CAPSL: variants seen among roughly 807,000 people sequenced by gnomAD.
The protein encoded by CAPSL is calcyphosine like.
A neutral mutation model predicts 21.3 loss-of-function variants in CAPSL; 17 were observed. That is an observed-to-expected ratio of 0.80 (90% CI 0.55 to 1.20). The LOEUF (loss-of-function observed/expected upper bound fraction) is 1.20. Ranked by LOEUF, CAPSL falls within the 50% of genes most tolerant of loss-of-function variation. CAPSL has a pLI of 0.00. For synonymous variants in CAPSL, 102 were observed against 89.3 expected (o/e 1.14, Z -0.80); for missense variants, 289 against 259.3 (o/e 1.11, Z -0.79).
At chr5:35,916,460 A>G (rs546797062) in intron 2 of CAPSL, among the ~76,000 whole-genome samples, 1 of 152,344 alleles carries the variant, frequency 6.6e-6, no homozygotes, top group South Asian at 2.1e-4. Context: ...CTGACTTCAA[A>G]CTATACTACA....
chr5:35,934,695 C>T (rs1738901092), intron 1 of CAPSL, among the ~76,000 whole-genome samples: 1 of 152,206 alleles, frequency 6.6e-6, no homozygotes, highest in Non-Finnish European at 1.5e-5. Context: ...GAAAACCACT[C>T]CTCCTTTTGC....
chr5:35,928,425 G>T (rs1205430865), intron 1 of CAPSL, among the ~76,000 whole-genome samples: 2 of 152,160 alleles, frequency 1.3e-5, no homozygotes, highest in Non-Finnish European at 2.9e-5. Context: ...GTTTGAATAC[G>T]TGGCTTCTGC....
intron 2 of CAPSL, among the ~76,000 whole-genome samples, chr5:35,919,068 A>G (rs932378027): frequency 6.6e-6 from 1 of 150,894 alleles, no homozygotes; most frequent in African/African-American, 2.5e-5. Flanking sequence ...TTGGAAAACA[A>G]AAAACAAAAA....
At chr5:35,912,806 T>G (rs1738266878) in intron 2 of CAPSL, among the ~76,000 whole-genome samples, 1 of 152,246 alleles carries the variant, frequency 6.6e-6, no homozygotes, top group South Asian at 2.1e-4. Flanking sequence ...AGAGTGCCTC[T>G]CCTCCTCCAA....
intron 2 of CAPSL, among the ~76,000 whole-genome samples, chr5:35,912,985 T>C (rs865992005): frequency 1.3e-5 from 2 of 152,004 alleles, no homozygotes; most frequent in Non-Finnish European, 2.9e-5. Context: ...AACGTCTAAC[T>C]AGAAAACCAC....
intron 4 of CAPSL, among the ~76,000 whole-genome samples, chr5:35,906,775 G>T (rs1342465730): frequency 6.6e-6 from 1 of 152,188 alleles, no homozygotes; most frequent in East Asian, 1.9e-4. Context: ...CCCCCAGTGG[G>T]ATGGGGTGAC....
chr5:35,912,988 A>C (rs1358102033), intron 2 of CAPSL, among the ~76,000 whole-genome samples: 1 of 152,232 alleles, frequency 6.6e-6, no homozygotes, highest in Non-Finnish European at 1.5e-5. Flanking sequence ...GTCTAACTAG[A>C]AAACCACTGC....
At chr5:35,920,652 C>T (rs1461628979) in intron 2 of CAPSL, among the ~76,000 whole-genome samples, 1 of 152,184 alleles carries the variant, frequency 6.6e-6, no homozygotes, top group African/African-American at 2.4e-5. Flanking sequence ...TCCACCCTGG[C>T]CTTTATTATC....
At chr5:35,909,411 G>A (rs1431470654) in intron 4 of CAPSL, among the ~76,000 whole-genome samples, 2 of 152,162 alleles carry the variant, frequency 1.3e-5, no homozygotes, top group African/African-American at 2.4e-5. Context: ...GGATGAGTGT[G>A]AAGGCACTAA....
chr5:35,924,347 G>T (rs1738612434), intron 1 of CAPSL, among the ~76,000 whole-genome samples: 2 of 152,108 alleles, frequency 1.3e-5, no homozygotes, highest in South Asian at 4.2e-4. Context: ...GATTCCTAAG[G>T]GCTCTTTCTG....
Position 35,919,192 on chromosome 5 carries a change from A to AT in CAPSL, c.137+1791_137+1792insA, listed in dbSNP as rs1561439742. ...AAAAATATATATATATATATATATA[A>AT]AAATTGTGAAATTAGTTTGGATCTC... On this transcript the variant is annotated intron_variant, in intron 2 of 4. Coordinates refer to ENST00000651391, the MANE Select transcript of CAPSL (RefSeq NM_001042625.2). 4.4e-3 allele frequency among the ~76,000 whole-genome samples: 473 copies of AT among 108,186 alleles called. 3 individuals are homozygous for AT. The highest frequency in any genetic ancestry group is 5.9e-3 in the African/African-American group (184 of 31,406). The allele number at this position is 108,186 out of a possible 152,430, so 71.0% of individuals were successfully genotyped here.
rs1036437526 is a variant in CAPSL, at chr5:35,935,546, G to A, written c.-1+2995C>T. On this transcript the variant is annotated intron_variant, in intron 1 of 4. Transcript: ENST00000651391. ...GACAGGATCTTGCTATGTTGCCCAG[G>A]CTGGTCTTGAACTCCTAAGCTCAAG... 7.2e-5 allele frequency among the ~76,000 whole-genome samples: 11 copies of A among 151,934 alleles called. No individual in the cohort carries two copies. In the East Asian group the frequency reaches 2.1e-3, roughly 29 times the overall value.
chr5:35,915,508 C>G (rs2149921588), intron 2 of CAPSL, among the ~76,000 whole-genome samples: 1 of 152,252 alleles, frequency 6.6e-6, no homozygotes, highest in Non-Finnish European at 1.5e-5. Context: ...GAAGCTTATC[C>G]ACCATGATCA....
At position 35,920,908 on chromosome 5, in the gene CAPSL, C is replaced by T. The variant is rs1415054848; in HGVS notation, c.137+76G>A. On this transcript the variant is annotated intron_variant, in intron 2 of 4. Coordinates refer to ENST00000651391, the MANE Select transcript of CAPSL (RefSeq NM_001042625.2). ...GGAGGAGATGACTTCCCCAAGACCACGTGGCCAACATTAGCCTCACCTGGC... is the reference window on the plus strand; with the variant it reads ...GGAGGAGATGACTTCCCCAAGACCATGTGGCCAACATTAGCCTCACCTGGC... 20 of 1,505,182 alleles carry T rather than the reference C, an allele frequency of 1.3e-5. No homozygotes were observed. The Middle Eastern group carries it at 7.0e-4, about 53-fold the overall frequency. The allele number at this position is 1,505,182 out of a possible 1,614,324, so 93.2% of individuals were successfully genotyped here.
At chr5:35,928,947 T>C (rs1480964363) in intron 1 of CAPSL, among the ~76,000 whole-genome samples, 1 of 150,668 alleles carries the variant, frequency 6.6e-6, no homozygotes, top group Non-Finnish European at 1.5e-5. Flanking sequence ...CTTTATTGTT[T>C]TTAGTTGGTT....
At chr5:35,911,865 C>T (rs7381111) in intron 2 of CAPSL, among the ~76,000 whole-genome samples, 63,418 of 151,784 alleles carry the variant, frequency 0.42, 14,325 homozygotes, top group East Asian at 0.69. Flanking sequence ...TGGGGAGTGT[C>T]GGACAGTGGG....
chr5:35,912,677 C>T (rs1326938439), intron 2 of CAPSL, among the ~76,000 whole-genome samples: 1 of 152,232 alleles, frequency 6.6e-6, no homozygotes, highest in Non-Finnish European at 1.5e-5. Flanking sequence ...AACTAACAAA[C>T]AGATAGGACA....
At position 35,909,894 on chromosome 5, in the gene CAPSL, A is replaced by C; in HGVS notation, c.497T>G (p.Phe166Cys). 6.2e-7 allele frequency: 1 copy of C among 1,613,444 alleles called. No homozygotes were observed. Among genetic ancestry groups the C allele is most frequent in the Non-Finnish European group, 8.5e-7 (1 of 1,179,834 alleles). Residue 166 changes from phenylalanine to cysteine, a missense_variant, in exon 4 of 5, where the codon TTT becomes TGT. Physicochemically the swap from Phe to Cys is radical, Grantham distance 205. Transcript: ENST00000651391. ...EQVFRKFLDN[F>C]DSPYDKDGLV... ...TCCATCTTTGTCATAGGGTGAATCA[A>C]AGTTATCCAGAAATTTCCTAAATAC... is the stretch of plus-strand genomic sequence containing the variant.
intron 2 of CAPSL, among the ~76,000 whole-genome samples, chr5:35,915,813 T>C (rs1738369669): frequency 6.6e-6 from 1 of 152,194 alleles, no homozygotes. Flanking sequence ...AAGACAGGGA[T>C]GCCCTCTCTC....
Sources: gnomAD v4.1 joint callset for allele counts (sites outside exome capture counted in the v4.1 genomes callset) on GRCh38, gnomAD v4.1.1 for gene constraint, MANE v1.5 for transcripts, NCBI Gene and HGNC (gene_info 2026-07-23, HGNC 2026-07-21) for gene names.